Variants in PIP4K2A observed in about 807,000 individuals in gnomAD.
PIP4K2A encodes the protein phosphatidylinositol 5-phosphate 4-kinase type-2 alpha.
Under a neutral mutation model 42.9 loss-of-function variants are expected in PIP4K2A, and 14 were observed. That is an observed-to-expected ratio of 0.33 (90% CI 0.22 to 0.51). PIP4K2A has a LOEUF of 0.51. Among genes scored for constraint, PIP4K2A ranks in the 20% least tolerant of loss-of-function variants. The pLI, the probability that PIP4K2A is intolerant of heterozygous loss-of-function variation, is 0.97. For missense variants in PIP4K2A, 434 were observed against 519.8 expected (o/e 0.83, Z 1.61); for synonymous variants, 192 against 192.2 (o/e 1.00, Z 0.01).
At chr10:22,656,777 A>C (rs1160152283) in intron 1 of PIP4K2A, among the ~76,000 whole-genome samples, 1 of 150,832 alleles carries the variant, frequency 6.6e-6, no homozygotes, top group Non-Finnish European at 1.5e-5. Context: ...AGCCTGGGTG[A>C]GAAGAGCCAG....
At chr10:22,556,092 C>T (rs1026526070) in intron 6 of PIP4K2A, among the ~76,000 whole-genome samples, 1 of 152,192 alleles carries the variant, frequency 6.6e-6, no homozygotes, top group Non-Finnish European at 1.5e-5. Context: ...GAATTCTCTA[C>T]ATACTGTCTT....
chr10:22,610,060 T>C (rs968732217), intron 1 of PIP4K2A, among the ~76,000 whole-genome samples: 2 of 152,240 alleles, frequency 1.3e-5, no homozygotes, highest in Non-Finnish European at 2.9e-5. Context: ...CCAGGACAAC[T>C]TCCTTCTGTA....
intron 1 of PIP4K2A, among the ~76,000 whole-genome samples, chr10:22,611,707 A>G (rs1838044600): frequency 6.6e-6 from 1 of 152,248 alleles, no homozygotes; most frequent in African/African-American, 2.4e-5. Context: ...TCTATGAAAA[A>G]TTAAAGTTTA....
intron 4 of PIP4K2A, among the ~76,000 whole-genome samples, chr10:22,589,243 A>T (rs1267901571): frequency 2.6e-5 from 4 of 152,250 alleles, no homozygotes; most frequent in Non-Finnish European, 5.9e-5. Flanking sequence ...AAGAGAATGC[A>T]TAAGTATGAT....
chr10:22,600,018 CAGA>C (rs1460605430), intron 3 of PIP4K2A, among the ~76,000 whole-genome samples: 1 of 152,186 alleles, frequency 6.6e-6, no homozygotes, highest in African/African-American at 2.4e-5. Flanking sequence ...GTGGAGCCCC[CAGA>C]AGGGGGAAGG....
intron 1 of PIP4K2A, among the ~76,000 whole-genome samples, chr10:22,623,265 C>A (rs753035472): frequency 6.6e-6 from 1 of 151,828 alleles, no homozygotes; most frequent in South Asian, 2.1e-4. Flanking sequence ...TGTCTGGGGT[C>A]GGGGGTGAAG....
chr10:22,583,099 T>C (rs1837315693), intron 4 of PIP4K2A, among the ~76,000 whole-genome samples: 1 of 152,226 alleles, frequency 6.6e-6, no homozygotes, highest in South Asian at 2.1e-4. Context: ...ATGTGCCTCA[T>C]TCAATTTGTG....
At chr10:22,552,346 T>C (rs1483060408) in intron 6 of PIP4K2A, among the ~76,000 whole-genome samples, 1 of 152,226 alleles carries the variant, frequency 6.6e-6, no homozygotes, top group East Asian at 1.9e-4. Context: ...AACACTTTTA[T>C]GCTGAGTTAT....
intron 8 of PIP4K2A, among the ~76,000 whole-genome samples, chr10:22,540,516 A>C (rs1836077041): frequency 6.6e-6 from 1 of 152,212 alleles, no homozygotes; most frequent in Non-Finnish European, 1.5e-5. Flanking sequence ...TTCTCACTGG[A>C]TACAGTATCA....
At chr10:22,671,563 G>A (rs1410551554) in intron 1 of PIP4K2A, among the ~76,000 whole-genome samples, 6 of 152,114 alleles carry the variant, frequency 3.9e-5, no homozygotes, top group African/African-American at 7.2e-5. Flanking sequence ...ATGGAGCTCC[G>A]AGGCTGTGCG....
chr10:22,679,063 A>AGGTGTGGACTAT (rs1839614119), intron 1 of PIP4K2A, among the ~76,000 whole-genome samples: 1 of 152,240 alleles, frequency 6.6e-6, no homozygotes, highest in African/African-American at 2.4e-5. Flanking sequence ...CCAACGGCAG[A>AGGTGTGGACTAT]AGCAACAAAC....
intron 7 of PIP4K2A, 23 bp from the exon 8 acceptor site, chr10:22,542,070 G>A (rs777770357): frequency 1.3e-6 from 2 of 1,585,746 alleles, no homozygotes; most frequent in Non-Finnish European, 1.7e-6. Flanking sequence ...GCAACAGGGT[G>A]AGTCAGCCAC....
Position 22,537,314 on chromosome 10 carries a change from T to C in PIP4K2A, c.1141-33A>G, listed in dbSNP as rs371590882. On this transcript the variant is annotated intron_variant, in intron 9 of 9. Transcript: ENST00000376573. ...GTTTTTAAAAAAGGAAATATTGACA[T>C]AGTGTTTATGATTTCCCCAAATTAT... 3.0e-5 allele frequency: 45 copies of C among 1,505,718 alleles called. No homozygotes were observed. In the African/African-American group the frequency reaches 5.0e-4, roughly 17 times the overall value. The allele number at this position is 1,505,718 out of a possible 1,614,324, so 93.3% of individuals were successfully genotyped here. A position where few individuals can be genotyped will look rare whatever the true frequency, so the allele number is the denominator to read the frequency against.
intron 4 of PIP4K2A, among the ~76,000 whole-genome samples, chr10:22,578,522 C>T (rs7071450): frequency 0.51 from 77,378 of 152,002 alleles, 20,455 homozygotes; most frequent in East Asian, 0.87. Flanking sequence ...CCTCCTACTC[C>T]GTCCCATCTT....
rs570026992 is a variant in PIP4K2A at position 22,652,820 on chromosome 10, G to A, written c.145-43103C>T. ...TTGAAACGTTTATGAAGGGTCCATC[G>A]CAGTGGCTCACGCCTACAAGCCCAG... is the stretch of plus-strand genomic sequence containing the variant. On this transcript the variant is annotated intron_variant, in intron 1 of 9. Coordinates refer to ENST00000376573, the MANE Select transcript of PIP4K2A (RefSeq NM_005028.5). Among the ~76,000 whole-genome samples the A allele has an allele frequency of 6.9e-4, 105 of 152,268 alleles. 2 individuals carry two copies. In the South Asian group the frequency reaches 7.7e-3, roughly 11 times the overall value.
chr10:22,562,866 C>T (rs1036293263), intron 6 of PIP4K2A, among the ~76,000 whole-genome samples: 9 of 152,124 alleles, frequency 5.9e-5, no homozygotes, highest in Non-Finnish European at 7.4e-5. Flanking sequence ...TCTGTTCTGA[C>T]GCCACCCTGA....
Position 22,567,906 on chromosome 10 carries a change from TAATA to T in PIP4K2A, c.640-21_640-18del. 6.2e-7 allele frequency: 1 copy of T among 1,612,366 alleles called. No homozygotes were observed. The highest frequency in any genetic ancestry group is 8.5e-7 in the Non-Finnish European group (1 of 1,178,386). On this transcript the variant is annotated intron_variant, in intron 5 of 9. Transcript: ENST00000376573. ...TGTAGAGCCCTGAAACACAAGGCAA[TAATA>T]AAAACATGCGCATGGGAGGCATTGG... is the stretch of plus-strand genomic sequence containing the variant.
chr10:22,603,051 C>A (rs1837827149), intron 3 of PIP4K2A, among the ~76,000 whole-genome samples: 1 of 152,136 alleles, frequency 6.6e-6, no homozygotes, highest in African/African-American at 2.4e-5. Context: ...TTAGTATACA[C>A]TGAAGGTCTT....
chr10:22,676,955 T>A (rs1839571144), intron 1 of PIP4K2A, among the ~76,000 whole-genome samples: 1 of 152,178 alleles, frequency 6.6e-6, no homozygotes, highest in Non-Finnish European at 1.5e-5. Context: ...AGTAGGTTAG[T>A]CTGGTACAAT....
Sources: allele counts gnomAD v4.1 joint callset (sites outside exome capture counted in the v4.1 genomes callset), GRCh38; gene constraint gnomAD v4.1.1; transcripts MANE v1.5; gene names NCBI Gene and HGNC (gene_info 2026-07-23, HGNC 2026-07-21).